Variants in RNF115 observed in about 807,000 individuals in gnomAD.
The protein encoded by RNF115 is ring finger protein 115.
A neutral mutation model predicts 39.2 loss-of-function variants in RNF115; 31 were observed. That is an observed-to-expected ratio of 0.79 (90% CI 0.59 to 1.07). The LOEUF is 1.07. RNF115 is among the 50% of genes least tolerant of loss of function. RNF115 has a pLI of 0.00. For synonymous variants in RNF115, 124 were observed against 131.0 expected, an observed-to-expected ratio of 0.95 and a Z score of 0.37; for missense variants, 384 against 381.7, an observed-to-expected ratio of 1.01 and a Z score of -0.05.
At chr1:145,775,003 T>C (rs1647816129) in intron 3 of RNF115, among the ~76,000 whole-genome samples, 1 of 152,138 alleles carries the variant, frequency 6.6e-6, no homozygotes, top group Non-Finnish European at 1.5e-5. Flanking sequence ...TCCTAGCACT[T>C]TGGGAGGCCA....
chr1:145,808,561 T>A (rs11801134), intron 1 of RNF115, among the ~76,000 whole-genome samples: 2,288 of 152,292 alleles, frequency 0.015, 64 homozygotes, highest in African/African-American at 0.052. Context: ...TCAACAACCC[T>A]TTAATCTAAA....
intron 3 of RNF115, 92 bp from the exon 4 acceptor site, chr1:145,772,011 G>A (rs1441444718): frequency 9.8e-7 from 1 of 1,019,298 alleles, no homozygotes; most frequent in Non-Finnish European, 1.5e-6. Flanking sequence ...AATGGCCACT[G>A]TGAATATTAC....
At chr1:145,780,565 A>G (rs1050404122) in intron 3 of RNF115, among the ~76,000 whole-genome samples, 3 of 146,886 alleles carry the variant, frequency 2.0e-5, no homozygotes, top group African/African-American at 5.0e-5. Flanking sequence ...GGTTGCAGTG[A>G]GCCGAGATTG....
intron 4 of RNF115, among the ~76,000 whole-genome samples, chr1:145,759,927 T>C (rs2101488350): frequency 6.6e-6 from 1 of 152,294 alleles, no homozygotes; most frequent in East Asian, 1.9e-4. Flanking sequence ...TATGCTCTTT[T>C]TGAAACTTCA....
intron 4 of RNF115, among the ~76,000 whole-genome samples, chr1:145,761,299 G>A (rs1553713794): frequency 6.6e-6 from 1 of 152,156 alleles, no homozygotes; most frequent in African/African-American, 2.4e-5. Context: ...AAGACCACAG[G>A]CAAAATGTCT....
intron 1 of RNF115, among the ~76,000 whole-genome samples, chr1:145,800,501 C>T (rs888465301): frequency 1.3e-5 from 2 of 152,098 alleles, no homozygotes; most frequent in African/African-American, 4.8e-5. Flanking sequence ...TTAATAGATA[C>T]AATACTATGC....
At chr1:145,754,986 C>T (rs1553712995) in intron 4 of RNF115, among the ~76,000 whole-genome samples, 1 of 151,992 alleles carries the variant, frequency 6.6e-6, no homozygotes, top group Non-Finnish European at 1.5e-5. Flanking sequence ...TGGCTCTTGC[C>T]TATAATCCCA....
At chr1:145,775,618 C>T (rs1647847933) in intron 3 of RNF115, among the ~76,000 whole-genome samples, 1 of 151,940 alleles carries the variant, frequency 6.6e-6, no homozygotes, top group African/African-American at 2.4e-5. Context: ...TGGTCTCAAA[C>T]ATCTGGCTTA....
chr1:145,809,101 T>C (rs1649583990), intron 1 of RNF115, among the ~76,000 whole-genome samples: 1 of 152,010 alleles, frequency 6.6e-6, no homozygotes, highest in African/African-American at 2.4e-5. Context: ...GGCCACTAAC[T>C]AATGGCAAGT....
intron 3 of RNF115, among the ~76,000 whole-genome samples, chr1:145,780,171 T>C (rs1648065788): frequency 1.3e-5 from 2 of 151,864 alleles, no homozygotes; most frequent in South Asian, 4.2e-4. Flanking sequence ...GAGGTTGCAG[T>C]AAGCCGAGAT....
At chr1:145,778,891 CTGATTATG>C (rs1478080324) in intron 3 of RNF115, among the ~76,000 whole-genome samples, 1 of 152,194 alleles carries the variant, frequency 6.6e-6, no homozygotes, top group Non-Finnish European at 1.5e-5. Context: ...GTACATTGTT[CTGATTATG>C]TGTGCCTGCT....
chr1:145,815,141 C>T (rs1649928614), intron 1 of RNF115, among the ~76,000 whole-genome samples: 1 of 152,302 alleles, frequency 6.6e-6, no homozygotes, highest in Non-Finnish European at 1.5e-5. Flanking sequence ...TGAACATTTT[C>T]CTGTATTAGA....
intron 4 of RNF115, among the ~76,000 whole-genome samples, chr1:145,768,651 A>C (rs772953673): frequency 4.6e-5 from 7 of 152,212 alleles, no homozygotes; most frequent in Non-Finnish European, 1.0e-4. Context: ...TGAAACCCGT[A>C]GAATGAACAG....
intron 6 of RNF115, 152 bp downstream of exon 6, chr1:145,751,286 C>A: frequency 1.7e-6 from 1 of 586,986 alleles, no homozygotes; most frequent in Non-Finnish European, 3.1e-6. Flanking sequence ...CCCCATAAAT[C>A]ATTCATCCCT....
chr1:145,772,922 A>G (rs1553715966), intron 3 of RNF115: 1 of 152,168 alleles, frequency 6.6e-6, no homozygotes, highest in African/African-American at 2.4e-5. Context: ...TCTTCAAACT[A>G]TATAATTTCA....
intron 1 of RNF115, among the ~76,000 whole-genome samples, chr1:145,801,533 CA>C (rs1378209189): frequency 6.8e-6 from 1 of 148,052 alleles, no homozygotes; most frequent in South Asian, 2.1e-4. Flanking sequence ...GACTCCATGT[CA>C]AAAAAAAAGA....
intron 3 of RNF115, among the ~76,000 whole-genome samples, chr1:145,779,316 A>C (rs1192354141): frequency 2.0e-5 from 3 of 151,854 alleles, no homozygotes; most frequent in African/African-American, 4.8e-5. Flanking sequence ...CTGGGACTAC[A>C]CACATATGCC....
chr1:145,814,488 C>T (rs1159849950), intron 1 of RNF115, among the ~76,000 whole-genome samples: 2 of 151,392 alleles, frequency 1.3e-5, no homozygotes, highest in Non-Finnish European at 2.9e-5. Context: ...GAGGCTGAGG[C>T]AGGAGAATCA....
intron 5 of RNF115, 24 bp downstream of exon 5, chr1:145,752,954 G>C (rs782110023): frequency 1.3e-6 from 2 of 1,500,720 alleles, no homozygotes; most frequent in Admixed American, 3.4e-5. Flanking sequence ...AATAGAGTAA[G>C]ATAGAAAACA....
Sources: gnomAD v4.1 joint callset for allele counts (sites outside exome capture counted in the v4.1 genomes callset) on GRCh38, gnomAD v4.1.1 for gene constraint, MANE v1.5 for transcripts, NCBI Gene and HGNC (gene_info 2026-07-23, HGNC 2026-07-21) for gene names.